Variants in GALNT14 observed in about 807,000 individuals in gnomAD.
GALNT14 encodes polypeptide N-acetylgalactosaminyltransferase 14.
A neutral mutation model predicts 77.5 loss-of-function variants in GALNT14; 60 were observed. The ratio of observed to expected loss-of-function variants is 0.77; its 90% CI spans 0.63 to 0.96. The LOEUF is 0.96. GALNT14 is among the 40% of genes least tolerant of loss of function. GALNT14 has a pLI of 0.00. For synonymous variants in GALNT14, 280 were observed against 281.7 expected (o/e 0.99, Z 0.06); for missense variants, 710 against 731.0 (o/e 0.97, Z 0.33).
intron 13 of GALNT14, among the ~76,000 whole-genome samples, chr2:30,922,059 C>T (rs1246397868): frequency 6.6e-6 from 1 of 152,154 alleles, no homozygotes; most frequent in Non-Finnish European, 1.5e-5. Context: ...GCCACAGAAG[C>T]TGGACCAGGC....
At chr2:31,050,964 G>T (rs1034045353) in intron 1 of GALNT14, among the ~76,000 whole-genome samples, 2 of 152,044 alleles carry the variant, frequency 1.3e-5, no homozygotes, top group South Asian at 2.1e-4. Flanking sequence ...AGAGAGGGGC[G>T]TTCTTCCCAC....
intron 1 of GALNT14, among the ~76,000 whole-genome samples, chr2:31,124,187 GA>G (rs562089875): frequency 6.7e-4 from 102 of 152,306 alleles, no homozygotes; most frequent in African/African-American, 2.3e-3. Flanking sequence ...CTCAAAGGGG[GA>G]AACCTCCAAG....
chr2:31,089,349 G>A (rs1180005057), intron 1 of GALNT14, among the ~76,000 whole-genome samples: 1 of 152,088 alleles, frequency 6.6e-6, no homozygotes, highest in Non-Finnish European at 1.5e-5. Flanking sequence ...ACATAGTGAT[G>A]GTCATGCTGA....
intron 11 of GALNT14, among the ~76,000 whole-genome samples, chr2:30,926,407 G>A (rs539766611): frequency 2.6e-4 from 39 of 152,302 alleles, no homozygotes; most frequent in African/African-American, 8.7e-4. Flanking sequence ...AGGAGCGAAC[G>A]TCATGAGTTC....
chr2:30,989,058 C>A (rs1669494942), intron 2 of GALNT14, among the ~76,000 whole-genome samples: 1 of 152,144 alleles, frequency 6.6e-6, no homozygotes, highest in Non-Finnish European at 1.5e-5. Context: ...TCTTTGTTTG[C>A]CTATTTAAGT....
intron 1 of GALNT14, among the ~76,000 whole-genome samples, chr2:31,088,473 T>C (rs1258223733): frequency 6.6e-6 from 1 of 152,158 alleles, no homozygotes; most frequent in Non-Finnish European, 1.5e-5. Flanking sequence ...GTCCTTCCTT[T>C]CTTTGTGAGA....
At chr2:30,915,848 C>A (rs560657765) in intron 13 of GALNT14, among the ~76,000 whole-genome samples, 1 of 152,300 alleles carries the variant, frequency 6.6e-6, no homozygotes, top group South Asian at 2.1e-4. Context: ...CTGAAAGGGC[C>A]AGTGCCCTTT....
chr2:31,053,045 C>T (rs576749408), intron 1 of GALNT14, among the ~76,000 whole-genome samples: 33 of 152,186 alleles, frequency 2.2e-4, no homozygotes, highest in African/African-American at 6.5e-4. Context: ...CCCTAAGCTG[C>T]GGCAGAAGGG....
intron 6 of GALNT14, among the ~76,000 whole-genome samples, chr2:30,952,839 T>G (rs796593905): frequency 3.2e-4 from 49 of 152,168 alleles, no homozygotes; most frequent in African/African-American, 9.2e-4. Flanking sequence ...GCAATGACCA[T>G]GGGTTACTGT....
rs143491575 is a variant in GALNT14, at chr2:31,037,980, A to G, written c.130-44973T>C. 3.6e-3 allele frequency among the ~76,000 whole-genome samples: 545 copies of G among 150,316 alleles called. 3 individuals carry two copies. The highest frequency in any genetic ancestry group is 0.013 in the African/African-American group (522 of 40,726). On this transcript the variant is annotated intron_variant, in intron 1 of 14. Coordinates refer to ENST00000349752, the MANE Select transcript of GALNT14 (RefSeq NM_024572.4). ...TGTGCATGGCATTCTAAATTCTTAG[A>G]AATTTTTCAAAGCTTTTAAAAGCCC...
At chr2:31,054,781 A>G (rs1674104938) in intron 1 of GALNT14, among the ~76,000 whole-genome samples, 1 of 152,238 alleles carries the variant, frequency 6.6e-6, no homozygotes, top group South Asian at 2.1e-4. Context: ...TCAACTCAGC[A>G]TTACCGGTCC....
At position 31,057,521 on chromosome 2, in the gene GALNT14, G is replaced by A. The variant is rs1420345792; in HGVS notation, c.130-64514C>T. ...CTGGGAGACTCAACTTGGCAGCTAC[G>A]GCACCAGGCCTGGCTCTAGGACCAC... On this transcript the variant is annotated intron_variant, in intron 1 of 14. Coordinates refer to ENST00000349752, the MANE Select transcript of GALNT14 (RefSeq NM_024572.4). 4.0e-5 allele frequency among the ~76,000 whole-genome samples: 6 copies of A among 151,242 alleles called. No individual in the cohort carries two copies. The South Asian group carries it at 1.0e-3, about 26-fold the overall frequency.
intron 6 of GALNT14, among the ~76,000 whole-genome samples, chr2:30,949,396 C>T (rs556825223): frequency 1.3e-5 from 2 of 152,028 alleles, no homozygotes; most frequent in Non-Finnish European, 2.9e-5. Context: ...AATTAAAGCA[C>T]CGAGGCACAC....
At chr2:31,005,212 G>A (rs1319173892) in intron 1 of GALNT14, among the ~76,000 whole-genome samples, 1 of 152,172 alleles carries the variant, frequency 6.6e-6, no homozygotes, top group African/African-American at 2.4e-5. Context: ...ATCCTTTGTT[G>A]TTTTCAACCC....
chr2:31,067,633 G>A (rs1675066608), intron 1 of GALNT14, among the ~76,000 whole-genome samples: 1 of 152,188 alleles, frequency 6.6e-6, no homozygotes, highest in South Asian at 2.1e-4. Flanking sequence ...TTCAAAGACA[G>A]GAGAGCCTAC....
chr2:30,979,793 C>T (rs547220129), intron 2 of GALNT14, among the ~76,000 whole-genome samples: 149 of 152,280 alleles, frequency 9.8e-4, no homozygotes, highest in Non-Finnish European at 1.7e-3. Context: ...CTCAGCACTC[C>T]ATCCTGTGTC....
intron 1 of GALNT14, among the ~76,000 whole-genome samples, chr2:31,099,795 C>A (rs1480275176): frequency 6.6e-6 from 1 of 151,900 alleles, no homozygotes; most frequent in Non-Finnish European, 1.5e-5. Context: ...AAATGACACA[C>A]TATAATAAAT....
intron 1 of GALNT14, among the ~76,000 whole-genome samples, chr2:31,027,780 T>C (rs1444811080): frequency 6.6e-6 from 1 of 152,196 alleles, no homozygotes; most frequent in Non-Finnish European, 1.5e-5. Context: ...AGTGTACTCA[T>C]GTAGACTGTG....
chr2:30,968,538 G>A (rs1367667329), intron 2 of GALNT14, among the ~76,000 whole-genome samples: 1 of 152,230 alleles, frequency 6.6e-6, no homozygotes, highest in Non-Finnish European at 1.5e-5. Flanking sequence ...TCCAGGTGGA[G>A]AGGAACTGTG....
Sources: gnomAD v4.1 joint callset for allele counts (sites outside exome capture counted in the v4.1 genomes callset) on GRCh38, gnomAD v4.1.1 for gene constraint, MANE v1.5 for transcripts, NCBI Gene and HGNC (gene_info 2026-07-23, HGNC 2026-07-21) for gene names.